Variants in TRPS1 observed in about 807,000 individuals in gnomAD.
TRPS1 encodes zinc finger transcription factor Trps1.
TRPS1 carries 6 observed loss-of-function variants against 101.2 expected under a neutral mutation model. The ratio of observed to expected loss-of-function variants is 0.06; its 90% CI spans 0.03 to 0.12. TRPS1 has a LOEUF of 0.12. Among genes scored for constraint, TRPS1 ranks in the 10% least tolerant of loss-of-function variants. The pLI is 1.00. For missense variants in TRPS1, 1,363 were observed against 1,567.0 expected (o/e 0.87, Z 2.20); for synonymous variants, 578 against 589.8 (o/e 0.98, Z 0.29).
At chr8:115,589,424 A>G (rs1005390196) in intron 4 of TRPS1, among the ~76,000 whole-genome samples, 2 of 152,230 alleles carry the variant, frequency 1.3e-5, no homozygotes, top group African/African-American at 4.8e-5. Context: ...GGTATAAAAC[A>G]TGAAACAAAA....
intron 5 of TRPS1, among the ~76,000 whole-genome samples, chr8:115,431,321 T>C (rs1813313417): frequency 6.6e-6 from 1 of 152,098 alleles, no homozygotes; most frequent in Non-Finnish European, 1.5e-5. Context: ...TTAATGTGCA[T>C]ATGCACAAAA....
rs61176190 is a variant in TRPS1 at position 115,449,956 on chromosome 8, AACACAC to A, written c.2701-31510_2701-31505del. ...GAGATGCCAAAGTAATATGTGATTTAACACACACACACACACACACACACACACACA... is the reference window on the plus strand; with the variant it reads ...GAGATGCCAAAGTAATATGTGATTTAACACACACACACACACACACACACA... On this transcript the variant is annotated intron_variant, in intron 5 of 6. Coordinates refer to ENST00000395715, the MANE Select transcript of TRPS1 (RefSeq NM_014112.5). Among the ~76,000 whole-genome samples the A allele has an allele frequency of 6.9e-3, 1,019 of 147,010 alleles. 9 individuals carry two copies. The highest frequency in any genetic ancestry group is 0.012 in the Non-Finnish European group (817 of 66,804).
At position 115,412,018 on chromosome 8, in the gene TRPS1, A is replaced by C. The variant is rs1812801035; in HGVS notation, c.*2005T>G. ...GAATTAATGTAAAAATGGAGTGCAA[A>C]TGCGACTACAGAATGCAAAAAAAAA... On this transcript the variant is annotated 3_prime_UTR_variant, in exon 7 of 7. Transcript: ENST00000395715. 1.0e-5 allele frequency: 1 copy of C among 97,944 alleles called. No homozygotes were observed. Among genetic ancestry groups the C allele is most frequent in the Admixed American group, 1.1e-4 (1 of 8,740 alleles). 6.1% of individuals were successfully genotyped at this position (97,944 alleles called of 1,614,324 possible).
At chr8:115,519,976 C>T (rs1586358296) in intron 5 of TRPS1, among the ~76,000 whole-genome samples, 1 of 151,670 alleles carries the variant, frequency 6.6e-6, no homozygotes, top group Non-Finnish European at 1.5e-5. Context: ...TTTATAGCTC[C>T]CTTTTAATTC....
At chr8:115,423,721 T>G (rs1357365424) in intron 5 of TRPS1, among the ~76,000 whole-genome samples, 1 of 152,248 alleles carries the variant, frequency 6.6e-6, no homozygotes, top group Non-Finnish European at 1.5e-5. Flanking sequence ...AATTTAAGTT[T>G]TGCTTTTGGG....
At chr8:115,535,086 T>C (rs1410346541) in intron 5 of TRPS1, among the ~76,000 whole-genome samples, 1 of 148,208 alleles carries the variant, frequency 6.7e-6, no homozygotes, top group African/African-American at 2.5e-5. Flanking sequence ...ATATATAGCA[T>C]ATATATCGCA....
intron 5 of TRPS1, among the ~76,000 whole-genome samples, chr8:115,507,538 G>A (rs1586345424): frequency 6.7e-6 from 1 of 148,426 alleles, no homozygotes; most frequent in African/African-American, 2.5e-5. Context: ...GCACAGAAAC[G>A]ACTCATCTAC....
At chr8:115,496,312 T>C (rs1815147883) in intron 5 of TRPS1, among the ~76,000 whole-genome samples, 2 of 152,192 alleles carry the variant, frequency 1.3e-5, no homozygotes, top group African/African-American at 2.4e-5. Context: ...AACCAATGGG[T>C]TGTCTTTCAA....
At chr8:115,628,262 C>T (rs1818553517) in intron 1 of TRPS1, among the ~76,000 whole-genome samples, 1 of 151,822 alleles carries the variant, frequency 6.6e-6, no homozygotes, top group Admixed American at 6.6e-5. Context: ...CAACCATAGA[C>T]ATATCCAACA....
intron 5 of TRPS1, among the ~76,000 whole-genome samples, chr8:115,459,324 AAAT>A (rs61516910): frequency 2.0e-5 from 3 of 149,934 alleles, no homozygotes; most frequent in Admixed American, 6.7e-5. Flanking sequence ...ACTCTGTCTC[AAAT>A]AATAATAATA....
intron 5 of TRPS1, among the ~76,000 whole-genome samples, chr8:115,527,552 T>C (rs1331433088): frequency 6.6e-6 from 1 of 152,034 alleles, no homozygotes; most frequent in Non-Finnish European, 1.5e-5. Context: ...ACAAATAGAA[T>C]AAAAGAATAG....
At chr8:115,530,565 A>C (rs548111921) in intron 5 of TRPS1, among the ~76,000 whole-genome samples, 1 of 152,314 alleles carries the variant, frequency 6.6e-6, no homozygotes, top group African/African-American at 2.4e-5. Flanking sequence ...CAGTAATTAC[A>C]GGAGAAACAT....
intron 5 of TRPS1, among the ~76,000 whole-genome samples, chr8:115,429,570 T>C (rs1054966694): frequency 6.6e-5 from 10 of 152,112 alleles, no homozygotes; most frequent in Non-Finnish European, 1.5e-4. Flanking sequence ...CCCTCAGTCA[T>C]CCGTACCAAA....
chr8:115,587,040 T>G lies in TRPS1; in HGVS notation c.2661A>C (p.Gly887=), dbSNP rs1316857143. 6.2e-7 allele frequency: 1 copy of G among 1,614,198 alleles called. No individual in the cohort carries two copies. The highest frequency in any genetic ancestry group is 1.7e-5 in the Admixed American group (1 of 60,034). Residue 887 remains glycine (G), a synonymous_variant, in exon 5 of 7, where the codon GGA becomes GGC. Coordinates refer to ENST00000395715, the MANE Select transcript of TRPS1 (RefSeq NM_014112.5). ...GGGATTCATCCTTGGACTTGTTTTC[T>G]CCCGATGCAGGATACTGCTGGGGGA... ...GALPQQYPAS[G]ENKSKDESQS...
chr8:115,627,720 T>C (rs952743446), intron 1 of TRPS1, among the ~76,000 whole-genome samples: 5 of 151,864 alleles, frequency 3.3e-5, no homozygotes, highest in Non-Finnish European at 5.9e-5. Flanking sequence ...TGTTGCTTTT[T>C]TCTGTTTTCC....
intron 5 of TRPS1, among the ~76,000 whole-genome samples, chr8:115,444,741 A>G (rs1280896876): frequency 1.3e-5 from 2 of 152,144 alleles, no homozygotes; most frequent in African/African-American, 4.8e-5. Context: ...GTATTTTCCA[A>G]CAAAGATGAT....
intron 5 of TRPS1, among the ~76,000 whole-genome samples, chr8:115,533,098 T>C (rs1254048618): frequency 6.6e-6 from 1 of 152,202 alleles, no homozygotes; most frequent in East Asian, 1.9e-4. Flanking sequence ...TTAACTTCTA[T>C]AGGATCTAAA....
At position 115,639,665 on chromosome 8, in the gene TRPS1, C is replaced by CG. The variant is rs1554602286; in HGVS notation, c.-121-15908_-121-15907insC. On this transcript the variant is annotated intron_variant, in intron 1 of 6. Transcript: ENST00000395715. ...GTGACATGGTGAAACCCAATCTCTA[C>CG]AAAAAAAAAAAAAATTAACCAGGCG... Among the ~76,000 whole-genome samples, 8 of 138,368 alleles carry CG rather than the reference C, an allele frequency of 5.8e-5. No individual in the cohort carries two copies. In the South Asian group the frequency reaches 1.4e-3, roughly 24 times the overall value. The allele number at this position is 138,368 out of a possible 152,430, so 90.8% of individuals were successfully genotyped here.
chr8:115,501,743 T>A lies in TRPS1; in HGVS notation c.2701-83291A>T, dbSNP rs77705375. 7.4e-3 allele frequency among the ~76,000 whole-genome samples: 1,134 copies of A among 152,308 alleles called. 18 individuals carry two copies. Among genetic ancestry groups the A allele is most frequent in the African/African-American group, 0.026 (1,066 of 41,546 alleles). On this transcript the variant is annotated intron_variant, in intron 5 of 6. Transcript: ENST00000395715. ...CAAAATAGAAAATCATTTTTGTTTG[T>A]CACATCTGGTATCTTATCTTCACCA...
Sources: gnomAD v4.1 joint callset for allele counts (sites outside exome capture counted in the v4.1 genomes callset) on GRCh38, gnomAD v4.1.1 for gene constraint, MANE v1.5 for transcripts, NCBI Gene and HGNC (gene_info 2026-07-23, HGNC 2026-07-21) for gene names.